Variants in EPHA6 observed in about 807,000 individuals in gnomAD.
EPHA6 encodes the protein EPH receptor A6.
In EPHA6, 50 loss-of-function variants were observed where a neutral mutation model predicts 112.0. That is an observed-to-expected ratio of 0.45 (90% CI 0.36 to 0.56). The LOEUF is 0.56. EPHA6 is among the 20% of genes least tolerant of loss of function. The pLI, the probability that EPHA6 is intolerant of heterozygous loss-of-function variation, is 0.00. For synonymous variants in EPHA6, 529 were observed against 490.7 expected, an observed-to-expected ratio of 1.08 and a Z score of -1.03; for missense variants, 1,280 against 1,417.4, an observed-to-expected ratio of 0.90 and a Z score of 1.56.
intron 2 of EPHA6, among the ~76,000 whole-genome samples, chr3:96,965,321 A>G (rs181061398): frequency 6.6e-6 from 1 of 152,110 alleles, no homozygotes; most frequent in Admixed American, 6.6e-5. Context: ...CTTCTTACTT[A>G]CCTACCTCCC....
At chr3:97,627,107 C>T (rs1404481710) in intron 13 of EPHA6, among the ~76,000 whole-genome samples, 2 of 151,808 alleles carry the variant, frequency 1.3e-5, no homozygotes, top group East Asian at 1.9e-4. Flanking sequence ...TACCAGTGAC[C>T]AAACTGAGGC....
At chr3:97,502,798 C>T (rs559743879) in intron 10 of EPHA6, among the ~76,000 whole-genome samples, 21 of 124,066 alleles carry the variant, frequency 1.7e-4, no homozygotes, top group South Asian at 2.8e-4. Context: ...TGTGTCATTA[C>T]GCTCCAGGCT....
intron 2 of EPHA6, among the ~76,000 whole-genome samples, chr3:96,974,155 A>G (rs565570751): frequency 0.011 from 1,584 of 146,692 alleles, 21 homozygotes; most frequent in Middle Eastern, 0.029. Flanking sequence ...TAAATAATGT[A>G]TTAAAATTGT....
chr3:97,227,807 T>G (rs1182032192), intron 4 of EPHA6, among the ~76,000 whole-genome samples: 2 of 152,132 alleles, frequency 1.3e-5, no homozygotes, highest in Non-Finnish European at 2.9e-5. Context: ...AGCCCTCTGA[T>G]GTCAAAAGGT....
At chr3:97,418,041 C>T (rs1343916089) in intron 6 of EPHA6, among the ~76,000 whole-genome samples, 1 of 151,740 alleles carries the variant, frequency 6.6e-6, no homozygotes, top group Non-Finnish European at 1.5e-5. Flanking sequence ...CACAAAACAA[C>T]TATGTTTGAA....
At chr3:97,085,927 T>TTGTATATATATATATATATATATATATA (rs1559718504) in intron 3 of EPHA6, among the ~76,000 whole-genome samples, 42 of 103,954 alleles carry the variant, frequency 4.0e-4, no homozygotes, top group African/African-American at 3.7e-3. Flanking sequence ...ATATATGATG[T>TTGTATATATATATATATATATATATATA]CATATATATA....
chr3:97,359,127 C>A (rs4857254), intron 5 of EPHA6, among the ~76,000 whole-genome samples: 8,547 of 148,288 alleles, frequency 0.058, 620 homozygotes, highest in East Asian at 0.37. Flanking sequence ...GCCTTTATTT[C>A]TTTAATTATT....
intron 3 of EPHA6, among the ~76,000 whole-genome samples, chr3:96,992,434 C>T (rs1576274073): frequency 6.6e-6 from 1 of 152,108 alleles, no homozygotes; most frequent in Non-Finnish European, 1.5e-5. Context: ...CATTCTTTTC[C>T]TGTCTTATCT....
At chr3:97,145,752 C>T (rs7614414) in intron 3 of EPHA6, among the ~76,000 whole-genome samples, 26,981 of 151,420 alleles carry the variant, frequency 0.18, 4,653 homozygotes, top group African/African-American at 0.45. Context: ...AGTTTTTTTA[C>T]TAGCTAAAAT....
In EPHA6 at chr3:97,532,464, A is replaced by G; in HGVS notation, c.2307A>G (p.Arg769=). 1 of 1,612,568 alleles carries G rather than the reference A, an allele frequency of 6.2e-7. No individual in the cohort carries two copies. The highest frequency in any genetic ancestry group is 8.5e-7 in the Non-Finnish European group (1 of 1,178,962). Residue 769 remains arginine, a synonymous_variant, in exon 11 of 18, where the codon AGA becomes AGG. Transcript: ENST00000389672. ...LKGGHMDRQR[R]DFLREASIMG... ...GTGGCCACATGGATCGGCAAAGAAG[A>G]GATTTTCTAAGAGAAGCTAGTATCA...
intron 3 of EPHA6, among the ~76,000 whole-genome samples, chr3:97,062,420 G>T (rs2046050442): frequency 6.6e-6 from 1 of 152,110 alleles, no homozygotes; most frequent in Non-Finnish European, 1.5e-5. Context: ...AAAAAATTTT[G>T]CAATCTGAAT....
At chr3:97,405,722 T>A (rs2087297156) in intron 6 of EPHA6, among the ~76,000 whole-genome samples, 1 of 152,122 alleles carries the variant, frequency 6.6e-6, no homozygotes, top group African/African-American at 2.4e-5. Flanking sequence ...AAGTATTATT[T>A]AAGGGATAAA....
Position 96,983,220 on chromosome 3 carries a change from C to T in EPHA6, c.451-4110C>T, listed in dbSNP as rs1482237282. ...TGTTCCTTTCTATGTTTAGTGCTTC[C>T]TTCAGGAGCTCTTGTAGGGCAGGCC... On this transcript the variant is annotated intron_variant, in intron 2 of 17. Transcript: ENST00000389672. Among the ~76,000 whole-genome samples the T allele has an allele frequency of 2.6e-5, 4 of 152,166 alleles. No homozygotes were observed. The East Asian group carries it at 5.8e-4, about 22-fold the overall frequency.
At chr3:96,820,817 A>C (rs1181332072) in intron 1 of EPHA6, among the ~76,000 whole-genome samples, 2 of 151,998 alleles carry the variant, frequency 1.3e-5, no homozygotes, top group African/African-American at 4.8e-5. Context: ...TTTGTCAGCG[A>C]ACGACTGTAC....
intron 3 of EPHA6, among the ~76,000 whole-genome samples, chr3:97,011,739 C>A (rs1372252798): frequency 6.6e-6 from 1 of 152,038 alleles, no homozygotes; most frequent in Non-Finnish European, 1.5e-5. Flanking sequence ...TACAAATGAT[C>A]CCATCACCCA....
intron 3 of EPHA6, among the ~76,000 whole-genome samples, chr3:97,056,562 TAAC>T: frequency 6.6e-6 from 1 of 152,320 alleles, no homozygotes; most frequent in Middle Eastern, 3.4e-3. Context: ...ATGTACTGTA[TAAC>T]GCCAGAAGTA....
At chr3:97,146,459 T>G (rs1187298374) in intron 3 of EPHA6, among the ~76,000 whole-genome samples, 1 of 151,892 alleles carries the variant, frequency 6.6e-6, no homozygotes, top group Non-Finnish European at 1.5e-5. Context: ...TTGTTTCCAA[T>G]AATCATAAGA....
chr3:97,073,029 A>G (rs1008562929), intron 3 of EPHA6, among the ~76,000 whole-genome samples: 4 of 152,160 alleles, frequency 2.6e-5, no homozygotes, highest in Non-Finnish European at 5.9e-5. Flanking sequence ...CTTGCAGCAC[A>G]GCACAGCAAA....
chr3:97,610,687 T>C (rs2093712031), intron 12 of EPHA6, 106 bp from the exon 13 acceptor site: 1 of 842,280 alleles, frequency 1.2e-6, no homozygotes, highest in Non-Finnish European at 1.9e-6. Flanking sequence ...GAAATTCCTA[T>C]TAATAAAATA....
Sources: allele counts gnomAD v4.1 joint callset (sites outside exome capture counted in the v4.1 genomes callset), GRCh38; gene constraint gnomAD v4.1.1; transcripts MANE v1.5; gene names NCBI Gene and HGNC (gene_info 2026-07-23, HGNC 2026-07-21).